The following ZC3H11A variants were observed in gnomAD, a reference collection of about 807,000 sequenced individuals.
ZC3H11A encodes the protein zinc finger CCCH-type containing 11A.
A neutral mutation model predicts 90.8 loss-of-function variants in ZC3H11A; 22 were observed. The ratio of observed to expected loss-of-function variants is 0.24; its 90% confidence interval spans 0.17 to 0.35. The LOEUF is 0.35. Among genes scored for constraint, ZC3H11A ranks in the 10% least tolerant of loss-of-function variants. The pLI, the probability that ZC3H11A is intolerant of heterozygous loss-of-function variation, is 1.00. For synonymous variants in ZC3H11A, 294 were observed against 339.8 expected (o/e 0.87, Z 1.48); for missense variants, 701 against 964.9 (o/e 0.73, Z 3.62).
At position 203,831,664 on chromosome 1, in the gene ZC3H11A, G is replaced by C. The variant is rs1441643653; in HGVS notation, c.704G>C (p.Gly235Ala). 7 of 1,611,366 alleles carry C rather than the reference G, an allele frequency of 4.3e-6. No homozygotes were observed. In the Middle Eastern group the frequency reaches 5.1e-4, roughly 117 times the overall value. The change falls in exon 9 of 18, where the codon GGT becomes GCT. Residue 235 changes from glycine (G) to alanine (A), a missense_variant. By Grantham distance (60) the Gly-to-Ala change is moderately conservative (BLOSUM62 0). Coordinates refer to ENST00000367210, the MANE Select transcript of ZC3H11A (RefSeq NM_001376342.1). ...MKEKSKKQGEGSSGVSSLLLH... is the reference protein window; with the variant it reads ...MKEKSKKQGEASSGVSSLLLH... ...TTCTTTGACTTGCCTTATTCAGAGG[G>C]TTCTTCAGGAGTTTCCAGTCTTTTA...
intron 1 of ZC3H11A, chr1:203,800,532 A>G: frequency 7.3e-7 from 1 of 1,368,258 alleles, no homozygotes; most frequent in Non-Finnish European, 9.5e-7. Context: ...GTAGTTGTTA[A>G]ATATAATCAT....
intron 10 of ZC3H11A, among the ~76,000 whole-genome samples, chr1:203,836,961 G>A (rs1684543609): frequency 6.6e-6 from 1 of 152,126 alleles, no homozygotes. Context: ...TTCTTAACCT[G>A]TCTTCCTCAT....
chr1:203,804,434 G>T (rs929575468), intron 2 of ZC3H11A, among the ~76,000 whole-genome samples: 1 of 152,146 alleles, frequency 6.6e-6, no homozygotes. Context: ...TTACAAGCAT[G>T]AGCCACCACG....
chr1:203,852,429 A>C lies in ZC3H11A; in HGVS notation c.*30A>C. ...GGTAGTGAGGACACTTTAAAAAAAA[A>C]ATCGCCAAAAAACTGGACTTAGTTT... On this transcript the variant is annotated 3_prime_UTR_variant, in exon 18 of 18. Transcript: ENST00000367210. The C allele has an allele frequency of 6.2e-7, 1 of 1,605,234 alleles. No homozygotes were observed. Among genetic ancestry groups the C allele is most frequent in the Non-Finnish European group, 8.5e-7 (1 of 1,176,860 alleles).
At chr1:203,806,067 A>T (rs1465033331) in intron 2 of ZC3H11A, 2 of 512,120 alleles carry the variant, frequency 3.9e-6, no homozygotes, top group Non-Finnish European at 7.7e-6. Context: ...TTTGTTTTAA[A>T]ACTCGCAAGG....
chr1:203,846,169 G>A (rs1020563611), intron 12 of ZC3H11A, among the ~76,000 whole-genome samples: 1 of 145,014 alleles, frequency 6.9e-6, no homozygotes, highest in East Asian at 2.0e-4. Context: ...TTGGGGGGGG[G>A]GTTCATTAAA....
chr1:203,847,188 A>G lies in ZC3H11A; in HGVS notation c.1047A>G (p.Lys349=). 1 of 1,612,412 alleles carries G rather than the reference A, an allele frequency of 6.2e-7. No homozygotes were observed. The highest frequency in any genetic ancestry group is 8.5e-7 in the Non-Finnish European group (1 of 1,179,564). The change falls in exon 13 of 18, where the codon AAA becomes AAG. Residue 349 remains lysine (K), a synonymous_variant. Transcript: ENST00000367210. ...GTTTTTCTCCTGTGAAAACAGATAA[A>G]GTTAATAAAGTTGGTGAGATCCATG... ...ADPDNEDATD[K]VNKVGEIHVK...
At chr1:203,851,577 T>C (rs746293159) in intron 17 of ZC3H11A, among the ~76,000 whole-genome samples, 6 of 152,102 alleles carry the variant, frequency 3.9e-5, no homozygotes, top group Non-Finnish European at 7.4e-5. Flanking sequence ...TGATCCACCT[T>C]CCTCGTCTTC....
At chr1:203,847,125 A>G (rs1024441852) in intron 12 of ZC3H11A, 59 bp from the exon 13 acceptor site, 5 of 1,576,242 alleles carry the variant, frequency 3.2e-6, no homozygotes, top group East Asian at 4.5e-5. Context: ...TAGAGAGATC[A>G]TAAGTCAGTA....
chr1:203,823,632 T>C (rs1679502325), intron 4 of ZC3H11A, among the ~76,000 whole-genome samples: 1 of 152,244 alleles, frequency 6.6e-6, no homozygotes, highest in African/African-American at 2.4e-5. Flanking sequence ...CAGGCATTTC[T>C]AAGGACAGTA....
intron 1 of ZC3H11A, chr1:203,796,281 A>G (rs1254684497): frequency 1.3e-5 from 5 of 396,360 alleles, no homozygotes; most frequent in Non-Finnish European, 2.2e-5. Context: ...ACCTACTCTC[A>G]TTCCTCTCCA....
At chr1:203,820,974 T>A (rs999731501) in intron 4 of ZC3H11A, among the ~76,000 whole-genome samples, 1 of 152,146 alleles carries the variant, frequency 6.6e-6, no homozygotes, top group Non-Finnish European at 1.5e-5. Flanking sequence ...AGACTTCAAC[T>A]TTTTCCCCGT....
chr1:203,832,303 C>T (rs1259118993), intron 9 of ZC3H11A, among the ~76,000 whole-genome samples: 3 of 151,738 alleles, frequency 2.0e-5, no homozygotes, highest in African/African-American at 4.8e-5. Flanking sequence ...TCAGGTGATC[C>T]GCCCGCCTTG....
chr1:203,825,585 C>G (rs907100019), intron 4 of ZC3H11A, among the ~76,000 whole-genome samples: 1 of 151,992 alleles, frequency 6.6e-6, no homozygotes, highest in Non-Finnish European at 1.5e-5. Context: ...CAGGCGCCCT[C>G]CACCATGCCC....
intron 1 of ZC3H11A, chr1:203,798,852 T>A (rs1043139444): frequency 6.5e-7 from 1 of 1,536,020 alleles, no homozygotes; most frequent in Admixed American, 2.0e-5. Context: ...GGCCCCTGAT[T>A]ATAGGTTGCC....
chr1:203,817,656 G>T (rs1013752030), intron 3 of ZC3H11A, among the ~76,000 whole-genome samples: 2 of 151,882 alleles, frequency 1.3e-5, no homozygotes, highest in African/African-American at 4.8e-5. Context: ...TTCTTTTGCA[G>T]CTCTATTTAC....
rs1677225482 is a variant in ZC3H11A, at chr1:203,818,805, C to G, written c.174+116C>G. On this transcript the variant is annotated intron_variant, in intron 4 of 17. Coordinates refer to ENST00000367210, the MANE Select transcript of ZC3H11A (RefSeq NM_001376342.1). ...TATATTAAGGCTGAGTGCAGTGGCT[C>G]ATGCCTGTAGTTCCAGCACTTTGGG... 2.0e-5 allele frequency: 29 copies of G among 1,482,862 alleles called. No individual in the cohort carries two copies. The South Asian group carries it at 2.9e-4, about 15-fold the overall frequency. The allele number at this position is 1,482,862 out of a possible 1,614,324, so 91.9% of individuals were successfully genotyped here.
intron 2 of ZC3H11A, among the ~76,000 whole-genome samples, chr1:203,815,384 T>A (rs1167952780): frequency 9.0e-6 from 1 of 111,514 alleles, no homozygotes; most frequent in East Asian, 2.2e-4. Context: ...CCCAGCTTTT[T>A]TTTTTTTTTT....
At chr1:203,831,574 T>G in intron 8 of ZC3H11A, 87 bp from the exon 9 acceptor site, 1 of 1,089,230 alleles carries the variant, frequency 9.2e-7, no homozygotes, top group Non-Finnish European at 1.4e-6. Context: ...TGTATTGGAC[T>G]TAACTGGTTA....
Sources: allele counts gnomAD v4.1 joint callset (sites outside exome capture counted in the v4.1 genomes callset), GRCh38; gene constraint gnomAD v4.1.1; transcripts MANE v1.5; gene names NCBI Gene and HGNC (gene_info 2026-07-23, HGNC 2026-07-21).